The following CPNE4 variants were observed in gnomAD, a reference collection of about 807,000 sequenced individuals.
The protein encoded by CPNE4 is copine-4.
CPNE4 carries 25 observed loss-of-function variants against 67.9 expected under a neutral mutation model. That is an observed-to-expected ratio of 0.37 (90% confidence interval 0.27 to 0.51). The LOEUF is 0.51. CPNE4 is among the 20% of genes least tolerant of loss of function. The pLI, the probability that CPNE4 is intolerant of heterozygous loss-of-function variation, is 0.93. For synonymous variants in CPNE4, 242 were observed against 244.9 expected (o/e 0.99, Z 0.11); for missense variants, 464 against 690.8 (o/e 0.67, Z 3.68).
At chr3:131,701,490 A>T (rs1180723036) in intron 3 of CPNE4, among the ~76,000 whole-genome samples, 1 of 152,208 alleles carries the variant, frequency 6.6e-6, no homozygotes, top group African/African-American at 2.4e-5. Context: ...ACTGTGACTT[A>T]TCTCTTATCA....
intron 7 of CPNE4, among the ~76,000 whole-genome samples, chr3:131,602,150 G>C (rs1939241742): frequency 6.6e-6 from 1 of 152,154 alleles, no homozygotes; most frequent in African/African-American, 2.4e-5. Flanking sequence ...TTGCTAATTT[G>C]GATGCATGTG....
At position 131,840,782 on chromosome 3, in the gene CPNE4, T is replaced by G. The variant is rs566672466; in HGVS notation, c.180+64482A>C. On this transcript the variant is annotated intron_variant, in intron 2 of 15. Transcript: ENST00000429747. ...GAGTGGTTTTCTGGTAATAGTTATA[T>G]AAACAGGCATTCACACCAACTCAGG... Among the ~76,000 whole-genome samples the G allele has an allele frequency of 6.8e-4, 103 of 152,344 alleles. 2 individuals carry two copies. The highest frequency in any genetic ancestry group is 4.1e-3 in the South Asian group (20 of 4,828).
At chr3:131,746,557 C>G (rs187270770) in intron 2 of CPNE4, among the ~76,000 whole-genome samples, 4 of 152,216 alleles carry the variant, frequency 2.6e-5, no homozygotes, top group South Asian at 4.1e-4. Context: ...TTTCACATAA[C>G]ATAGTGTTTT....
At chr3:131,884,077 G>A (rs976217754) in intron 2 of CPNE4, among the ~76,000 whole-genome samples, 5 of 152,134 alleles carry the variant, frequency 3.3e-5, no homozygotes, top group African/African-American at 4.8e-5. Flanking sequence ...TTACCAATGT[G>A]TTACACATTT....
At chr3:131,693,084 C>G (rs539088324) in intron 5 of CPNE4, among the ~76,000 whole-genome samples, 1 of 152,274 alleles carries the variant, frequency 6.6e-6, no homozygotes, top group South Asian at 2.1e-4. Flanking sequence ...TGTACTCACT[C>G]TCATTGAAGA....
chr3:131,824,658 A>G (rs2107977768), intron 2 of CPNE4, among the ~76,000 whole-genome samples: 1 of 152,294 alleles, frequency 6.6e-6, no homozygotes, highest in East Asian at 1.9e-4. Flanking sequence ...GTATAAATGA[A>G]AGCAGATTAA....
At chr3:131,625,968 T>A (rs1279270856) in intron 7 of CPNE4, among the ~76,000 whole-genome samples, 1 of 152,198 alleles carries the variant, frequency 6.6e-6, no homozygotes, top group African/African-American at 2.4e-5. Flanking sequence ...CCTATTATGG[T>A]GATCTGTGAT....
At chr3:131,659,063 C>A (rs1394461663) in intron 7 of CPNE4, among the ~76,000 whole-genome samples, 4 of 152,140 alleles carry the variant, frequency 2.6e-5, no homozygotes, top group African/African-American at 9.7e-5. Context: ...AAATTGAGAT[C>A]TTGAGGCAAC....
chr3:131,836,114 T>A (rs72987792), intron 2 of CPNE4, among the ~76,000 whole-genome samples: 5,152 of 152,234 alleles, frequency 0.034, 215 homozygotes, highest in African/African-American at 0.097. Flanking sequence ...GGCCTCTGGG[T>A]AGCAGTGCAC....
intron 1 of CPNE4, among the ~76,000 whole-genome samples, chr3:131,927,997 C>G (rs562961381): frequency 6.6e-6 from 1 of 152,082 alleles, no homozygotes; most frequent in Non-Finnish European, 1.5e-5. Flanking sequence ...GAAAAATACA[C>G]CACAATGTTA....
At position 132,034,889 on chromosome 3, in the gene CPNE4, C is replaced by G. The variant is rs2074313771; in HGVS notation, c.-324G>C. 1.0e-6 allele frequency: 1 copy of G among 984,922 alleles called. No individual in the cohort carries two copies. The highest frequency in any genetic ancestry group is 1.7e-5 in the African/African-American group (1 of 57,148). The allele number at this position is 984,922 out of a possible 1,614,324, so 61.0% of individuals were successfully genotyped here. Reference sequence around the variant, plus strand: ...AACTCGGAGAGTAAAGAGGAGGGTACTGAGAAAAGAGGGAGGGAGTGGAGT... The same window carrying G: ...AACTCGGAGAGTAAAGAGGAGGGTAGTGAGAAAAGAGGGAGGGAGTGGAGT... On this transcript the variant is annotated 5_prime_UTR_variant, in exon 1 of 16. Transcript: ENST00000429747.
intron 7 of CPNE4, among the ~76,000 whole-genome samples, chr3:131,629,238 G>C (rs2079158904): frequency 6.6e-6 from 1 of 152,134 alleles, no homozygotes; most frequent in Non-Finnish European, 1.5e-5. Flanking sequence ...CAACACGTAG[G>C]AATTCTGGGA....
chr3:131,824,934 G>T (rs1448385109), intron 2 of CPNE4, among the ~76,000 whole-genome samples: 1 of 152,010 alleles, frequency 6.6e-6, no homozygotes, highest in Non-Finnish European at 1.5e-5. Context: ...ACTCAAGTGG[G>T]ACCTCTAGTC....
intron 2 of CPNE4, among the ~76,000 whole-genome samples, chr3:131,760,376 T>C (rs761817052): frequency 6.6e-6 from 1 of 152,198 alleles, no homozygotes; most frequent in African/African-American, 2.4e-5. Flanking sequence ...GATTTTTAAC[T>C]GGCCTCAGTA....
At chr3:132,001,554 A>AAG (rs2073437418) in intron 1 of CPNE4, among the ~76,000 whole-genome samples, 1 of 11,768 alleles carries the variant, frequency 8.5e-5, no homozygotes, top group South Asian at 3.0e-3. Context: ...AAGAAAAAAG[A>AAG]GAAAGAAAGA....
chr3:131,663,113 A>G (rs375511665), intron 7 of CPNE4, among the ~76,000 whole-genome samples: 2 of 152,352 alleles, frequency 1.3e-5, no homozygotes, highest in South Asian at 4.1e-4. Context: ...CATATACACC[A>G]TGGAATACTA....
intron 2 of CPNE4, among the ~76,000 whole-genome samples, chr3:131,828,241 A>G (rs555102204): frequency 2.0e-5 from 3 of 152,314 alleles, no homozygotes; most frequent in Non-Finnish European, 4.4e-5. Flanking sequence ...GCACAGTTCA[A>G]TGAGTTTTGG....
chr3:131,553,460 C>T (rs1454621093), intron 12 of CPNE4, among the ~76,000 whole-genome samples: 1 of 152,040 alleles, frequency 6.6e-6, no homozygotes, highest in Non-Finnish European at 1.5e-5. Flanking sequence ...AAGTGACAGG[C>T]TAAAAGTGAC....
At chr3:131,916,562 G>C (rs764143439) in intron 1 of CPNE4, among the ~76,000 whole-genome samples, 3 of 152,126 alleles carry the variant, frequency 2.0e-5, no homozygotes, top group Non-Finnish European at 4.4e-5. Context: ...GGACAACATG[G>C]TGTGTTTTGG....
Sources: allele counts gnomAD v4.1 joint callset (sites outside exome capture counted in the v4.1 genomes callset), GRCh38; gene constraint gnomAD v4.1.1; transcripts MANE v1.5; gene names NCBI Gene and HGNC (gene_info 2026-07-23, HGNC 2026-07-21).